ESRRG: variants seen among roughly 807,000 people sequenced by gnomAD.
ESRRG encodes estrogen-related receptor gamma.
Under a neutral mutation model 44.0 loss-of-function variants are expected in ESRRG, and 13 were observed. The observed-to-expected ratio is 0.30, with a 90% confidence interval of 0.19 to 0.47. The LOEUF (loss-of-function observed/expected upper bound fraction) is 0.47, where lower values mean the gene tolerates loss of function less well. Ranked by LOEUF, ESRRG falls within the 20% of genes least tolerant of loss-of-function variation. ESRRG has a pLI of 1.00. For missense variants in ESRRG, 395 were observed against 580.6 expected (o/e 0.68, Z 3.29); for synonymous variants, 215 against 214.6 (o/e 1.00, Z -0.02).
Position 217,021,207 on chromosome 1 carries a change from T to C in ESRRG, c.-106+68300A>G, listed in dbSNP as rs556931564. Among the ~76,000 whole-genome samples the C allele has an allele frequency of 2.7e-4, 41 of 152,204 alleles. 1 individual carries two copies. The highest frequency in any genetic ancestry group is 8.9e-4 in the African/African-American group (37 of 41,526). The stretch of plus-strand genomic sequence containing the variant: ...GTTCACAGACAACACTCCGGACCCA[T>C]TGTTAGTGGGACTAGCTGGTTGCCC... On this transcript the variant is annotated intron_variant, in intron 1 of 7. Coordinates refer to the ESRRG transcript ENST00000359162.
chr1:217,098,711 T>C (rs948104947), intron 1 of ESRRG, among the ~76,000 whole-genome samples: 7 of 152,210 alleles, frequency 4.6e-5, no homozygotes, highest in Non-Finnish European at 8.8e-5. Context: ...CAGCAGGCTT[T>C]TTCAAATTAT....
chr1:216,879,484 CAA>C (rs755104959), intron 2 of ESRRG, among the ~76,000 whole-genome samples: 7 of 89,430 alleles, frequency 7.8e-5, no homozygotes, highest in East Asian at 3.6e-4. Context: ...AAAAGGCCAC[CAA>C]AAAAAAAAAA....
At chr1:216,699,933 T>C (rs1187534124) in intron 1 of ESRRG, among the ~76,000 whole-genome samples, 1 of 152,176 alleles carries the variant, frequency 6.6e-6, no homozygotes, top group African/African-American at 2.4e-5. Flanking sequence ...AATTCCTATT[T>C]CTCATTTACA....
chr1:217,121,584 T>C (rs1434258845), intron 1 of ESRRG, among the ~76,000 whole-genome samples: 4 of 151,816 alleles, frequency 2.6e-5, no homozygotes, highest in African/African-American at 9.7e-5. Context: ...ATTTAGGAGA[T>C]GAAAATGACT....
At chr1:217,015,225 G>A (rs937040151) in intron 1 of ESRRG, among the ~76,000 whole-genome samples, 2 of 152,102 alleles carry the variant, frequency 1.3e-5, no homozygotes, top group Non-Finnish European at 2.9e-5. Flanking sequence ...ATTATTTTGT[G>A]TTTTTCTGGC....
At chr1:216,615,868 T>C (rs141748333) in intron 3 of ESRRG, among the ~76,000 whole-genome samples, 4,550 of 151,956 alleles carry the variant, frequency 0.03, 224 homozygotes, top group African/African-American at 0.1. Context: ...GTATTTTTAG[T>C]AGAGACAGGG....
At chr1:216,627,003 A>G (rs2150587859) in intron 3 of ESRRG, among the ~76,000 whole-genome samples, 1 of 152,356 alleles carries the variant, frequency 6.6e-6, no homozygotes, top group Non-Finnish European at 1.5e-5. Context: ...TATTTCTGGA[A>G]TTTGTGACCA....
chr1:216,883,551 T>C (rs11117715), intron 2 of ESRRG, among the ~76,000 whole-genome samples: 16,898 of 152,116 alleles, frequency 0.11, 1,275 homozygotes, highest in East Asian at 0.34. Flanking sequence ...AGCTTAAGCT[T>C]AATCCAGAGG....
chr1:216,919,796 C>A (rs942809032), intron 2 of ESRRG, among the ~76,000 whole-genome samples: 4 of 152,166 alleles, frequency 2.6e-5, no homozygotes, highest in Admixed American at 6.5e-5. Context: ...TCCGTCCCAC[C>A]TGTCAGTGTA....
chr1:216,641,141 T>C (rs1282979284), intron 3 of ESRRG, among the ~76,000 whole-genome samples: 1 of 152,188 alleles, frequency 6.6e-6, no homozygotes, highest in Non-Finnish European at 1.5e-5. Context: ...GGAAGAAAGC[T>C]AAAGGAACTG....
intron 2 of ESRRG, among the ~76,000 whole-genome samples, chr1:216,848,454 A>G (rs2095793779): frequency 6.6e-6 from 1 of 151,718 alleles, no homozygotes; most frequent in Non-Finnish European, 1.5e-5. Flanking sequence ...ACACAGAGAT[A>G]ATTAAACTTA....
chr1:217,035,785 T>C (rs2082780184), intron 1 of ESRRG, among the ~76,000 whole-genome samples: 1 of 152,050 alleles, frequency 6.6e-6, no homozygotes, highest in Non-Finnish European at 1.5e-5. Flanking sequence ...TTAGCCCAAG[T>C]CATATCTATG....
rs534545705 is a variant in ESRRG, at chr1:216,917,158, C to CTT, written c.-14+22422_-14+22423dup. On this transcript the variant is annotated intron_variant, in intron 2 of 7. Transcript: ENST00000359162. ...CTCTCCAGCAGCATAAATAGACTTT[C>CTT]TTTTTTTTTTTTTTTTTACCAGGTG... is the stretch of plus-strand genomic sequence containing the variant. Among the ~76,000 whole-genome samples, 632 of 130,626 alleles carry CTT rather than the reference C, an allele frequency of 4.8e-3. 6 individuals carry two copies. The highest frequency in any genetic ancestry group is 0.016 in the Middle Eastern group (4 of 246). 85.7% of individuals were successfully genotyped at this position (130,626 alleles called of 152,430 possible). A position where few individuals can be genotyped will look rare whatever the true frequency, so the allele number is the denominator to read the frequency against.
At chr1:217,128,619 G>A (rs1359392317) in intron 1 of ESRRG, among the ~76,000 whole-genome samples, 1 of 152,074 alleles carries the variant, frequency 6.6e-6, no homozygotes, top group Non-Finnish European at 1.5e-5. Flanking sequence ...CTGTCATCCT[G>A]AGATAAAAGA....
intron 5 of ESRRG, among the ~76,000 whole-genome samples, chr1:216,550,893 A>G (rs2056118824): frequency 6.6e-6 from 1 of 152,160 alleles, no homozygotes; most frequent in African/African-American, 2.4e-5. Context: ...TAAGAACAGC[A>G]TAAAAGTCCT....
chr1:216,531,255 A>C lies in ESRRG; in HGVS notation c.863-11834T>G, dbSNP rs572304640. Among the ~76,000 whole-genome samples, 12 of 152,222 alleles carry C rather than the reference A, an allele frequency of 7.9e-5. No individual in the cohort carries two copies. The East Asian group carries it at 2.3e-3, about 29-fold the overall frequency. The stretch of plus-strand genomic sequence containing the variant: ...TACTGATGCTTAAAGACCTAGGCAT[A>C]ATTTGTGTTCTGGACAGCATGGAAA... On this transcript the variant is annotated intron_variant, in intron 5 of 6. Coordinates refer to ENST00000408911, the MANE Select transcript of ESRRG (RefSeq NM_001438.4).
rs1253011585 is a variant in ESRRG, at chr1:216,779,100, CTA to C, written c.-13-101611_-13-101610del. On this transcript the variant is annotated intron_variant, in intron 2 of 7. Coordinates refer to the ESRRG transcript ENST00000359162. ...CTCTGTTATTATGTGGAGGCTTAAACTATATATATATATATATAATTATATAT... is the reference window on the plus strand; with the variant it reads ...CTCTGTTATTATGTGGAGGCTTAAACTATATATATATATATAATTATATAT... 1.6e-4 allele frequency among the ~76,000 whole-genome samples: 18 copies of C among 113,486 alleles called. 1 individual carries two copies. Among genetic ancestry groups the C allele is most frequent in the Admixed American group, 5.5e-4 (5 of 9,060 alleles). 74.5% of individuals were successfully genotyped at this position (113,486 alleles called of 152,430 possible).
intron 1 of ESRRG, among the ~76,000 whole-genome samples, chr1:216,718,554 A>C (rs1575705079): frequency 6.6e-6 from 1 of 152,090 alleles, no homozygotes; most frequent in South Asian, 2.1e-4. Flanking sequence ...TCAAATATAC[A>C]CATAAGTATG....
intron 1 of ESRRG, among the ~76,000 whole-genome samples, chr1:217,043,944 C>T (rs1439172901): frequency 6.6e-6 from 1 of 151,814 alleles, no homozygotes; most frequent in Non-Finnish European, 1.5e-5. Flanking sequence ...AAAAAAACTG[C>T]CAGATTTTAA....
Sources: gnomAD v4.1 joint callset for allele counts (sites outside exome capture counted in the v4.1 genomes callset) on GRCh38, gnomAD v4.1.1 for gene constraint, MANE v1.5 for transcripts, NCBI Gene and HGNC (gene_info 2026-07-23, HGNC 2026-07-21) for gene names.